Variants in COL25A1 observed in about 807,000 individuals in gnomAD.
COL25A1 encodes the protein collagen type XXV alpha 1 chain.
Under a neutral mutation model 128.4 loss-of-function variants are expected in COL25A1, and 103 were observed. That is an observed-to-expected ratio of 0.80 (90% CI 0.68 to 0.94). The LOEUF is 0.94. COL25A1 is among the 40% of genes least tolerant of loss of function. The probability of loss-of-function intolerance (pLI) is 0.00; values close to 1 mark genes in which losing one functional copy is unlikely to be tolerated. For synonymous variants in COL25A1, 279 were observed against 277.2 expected (o/e 1.01, Z -0.06); for missense variants, 745 against 840.0 (o/e 0.89, Z 1.40).
chr4:108,830,511 C>T (rs1472344640), intron 32 of COL25A1, among the ~76,000 whole-genome samples: 2 of 152,334 alleles, frequency 1.3e-5, no homozygotes, highest in South Asian at 2.1e-4. Flanking sequence ...TATCAATTAA[C>T]TCTGAGAATC....
intron 3 of COL25A1, among the ~76,000 whole-genome samples, chr4:109,214,710 A>G (rs1777852536): frequency 6.6e-6 from 1 of 152,114 alleles, no homozygotes; most frequent in African/African-American, 2.4e-5. Context: ...AAGGGAAGTC[A>G]GGAACCATCT....
chr4:109,003,857 A>G (rs1350214731), intron 6 of COL25A1, among the ~76,000 whole-genome samples: 1 of 151,842 alleles, frequency 6.6e-6, no homozygotes, highest in Admixed American at 6.6e-5. Context: ...CTTTTCTTTC[A>G]TTTCCCTTTC....
At chr4:109,251,440 G>C (rs1780638312) in intron 3 of COL25A1, among the ~76,000 whole-genome samples, 2 of 152,102 alleles carry the variant, frequency 1.3e-5, no homozygotes, top group African/African-American at 2.4e-5. Flanking sequence ...CACAGGGCAT[G>C]GTAGACTAAG....
At chr4:108,849,414 G>A (rs1578534718) in intron 26 of COL25A1, among the ~76,000 whole-genome samples, 1 of 152,218 alleles carries the variant, frequency 6.6e-6, no homozygotes, top group Middle Eastern at 3.4e-3. Context: ...CTTATACTGT[G>A]CTATGAATGA....
chr4:109,200,338 C>T (rs1776453238), intron 3 of COL25A1, among the ~76,000 whole-genome samples: 1 of 152,190 alleles, frequency 6.6e-6, no homozygotes, highest in Non-Finnish European at 1.5e-5. Context: ...TCCATTTTAC[C>T]TCATGCATTC....
At position 108,852,311 on chromosome 4, in the gene COL25A1, G is replaced by T. The variant is rs547818735; in HGVS notation, c.1345-31C>A. 14 of 1,552,982 alleles carry T rather than the reference G, an allele frequency of 9.0e-6. 1 individual carries two copies. The South Asian group carries it at 1.6e-4, about 18-fold the overall frequency. On this transcript the variant is annotated intron_variant, in intron 25 of 37. Coordinates refer to ENST00000399132, the MANE Select transcript of COL25A1 (RefSeq NM_198721.4). Reference sequence around the variant, plus strand: ...TCAAGAAAAAGCACAGTTTTTAAAAGTAGTAATTATATGTATTAAAATTCA... The same window carrying T: ...TCAAGAAAAAGCACAGTTTTTAAAATTAGTAATTATATGTATTAAAATTCA...
intron 3 of COL25A1, among the ~76,000 whole-genome samples, chr4:109,150,206 A>C (rs1174146347): frequency 2.6e-5 from 4 of 152,172 alleles, no homozygotes; most frequent in Non-Finnish European, 5.9e-5. Flanking sequence ...ATAGGCCATC[A>C]AATACTATGA....
At chr4:109,108,115 G>T (rs2126033365) in intron 3 of COL25A1, among the ~76,000 whole-genome samples, 1 of 152,140 alleles carries the variant, frequency 6.6e-6, no homozygotes, top group African/African-American at 2.4e-5. Flanking sequence ...GTGCCATGTT[G>T]GTGTGCTGCA....
At chr4:109,036,073 G>A (rs1308894182) in intron 5 of COL25A1, among the ~76,000 whole-genome samples, 2 of 151,752 alleles carry the variant, frequency 1.3e-5, no homozygotes, top group Non-Finnish European at 2.9e-5. Context: ...GACTACAGGC[G>A]CCCGCCACCA....
At chr4:108,831,826 T>C (rs1030535628) in intron 32 of COL25A1, among the ~76,000 whole-genome samples, 1 of 152,080 alleles carries the variant, frequency 6.6e-6, no homozygotes, top group Admixed American at 6.6e-5. Flanking sequence ...GGCCTAGCAA[T>C]AGAGAGGTTA....
In COL25A1 at chr4:108,899,198, G is replaced by A; in HGVS notation, c.835-18C>T. 2 of 1,605,570 alleles carry A rather than the reference G, an allele frequency of 1.2e-6. No homozygotes were observed. The highest frequency in any genetic ancestry group is 1.1e-5 in the South Asian group (1 of 89,246). ...GGTTCTCCCTGAGCAAAAAGACAGA[G>A]ATTGGGTGACATCAAATCATAAAAC... On this transcript the variant is annotated intron_variant, in intron 14 of 37. Transcript: ENST00000399132.
intron 8 of COL25A1, among the ~76,000 whole-genome samples, chr4:108,948,869 A>T (rs1749080299): frequency 6.6e-6 from 1 of 152,232 alleles, no homozygotes; most frequent in Non-Finnish European, 1.5e-5. Flanking sequence ...CGGCAGATAC[A>T]CTTCAACACT....
intron 37 of COL25A1, among the ~76,000 whole-genome samples, chr4:108,816,474 A>G (rs545494114): frequency 1.5e-3 from 221 of 152,340 alleles, no homozygotes; most frequent in African/African-American, 4.1e-3. Flanking sequence ...TCATTTTTAC[A>G]TGCTTGGAAT....
intron 35 of COL25A1, chr4:108,823,912 G>A: frequency 1.5e-6 from 2 of 1,376,158 alleles, no homozygotes; most frequent in Non-Finnish European, 1.9e-6. Context: ...TCCATAAATT[G>A]GTGTCAGGTG....
chr4:109,016,975 G>A (rs993637102), intron 5 of COL25A1, among the ~76,000 whole-genome samples: 3 of 152,160 alleles, frequency 2.0e-5, no homozygotes, highest in African/African-American at 4.8e-5. Context: ...GCCATGTTGC[G>A]AGCACCAGAA....
chr4:108,841,379 T>A (rs898781009), intron 31 of COL25A1, among the ~76,000 whole-genome samples: 11 of 152,040 alleles, frequency 7.2e-5, no homozygotes, highest in African/African-American at 1.4e-4. Flanking sequence ...AAAAAAAGCA[T>A]CTAGACTAGT....
chr4:109,184,403 A>G (rs892400663), intron 3 of COL25A1, among the ~76,000 whole-genome samples: 3 of 152,184 alleles, frequency 2.0e-5, no homozygotes, highest in Admixed American at 1.3e-4. Context: ...CTGTAATGAA[A>G]TGCTTGTGCT....
chr4:109,105,807 C>A (rs775014552), intron 3 of COL25A1, among the ~76,000 whole-genome samples: 3 of 152,218 alleles, frequency 2.0e-5, no homozygotes, highest in Non-Finnish European at 4.4e-5. Context: ...ACATCCTCTT[C>A]TGCAAACTTT....
intron 3 of COL25A1, among the ~76,000 whole-genome samples, chr4:109,061,023 ATCAATAAGCTT>A (rs1761919523): frequency 6.6e-6 from 1 of 152,150 alleles, no homozygotes. Context: ...AATTCTCCAG[ATCAATAAGCTT>A]TCATGCTACA....
Sources: gnomAD v4.1 joint callset for allele counts (sites outside exome capture counted in the v4.1 genomes callset) on GRCh38, gnomAD v4.1.1 for gene constraint, MANE v1.5 for transcripts, NCBI Gene and HGNC (gene_info 2026-07-23, HGNC 2026-07-21) for gene names.